The following CRELD1 variants were observed in gnomAD, a reference collection of about 807,000 sequenced individuals.
The protein encoded by CRELD1 is protein disulfide isomerase CRELD1.
A neutral mutation model predicts 58.2 loss-of-function variants in CRELD1; 42 were observed. The ratio of observed to expected loss-of-function variants is 0.72; its 90% CI spans 0.56 to 0.93. CRELD1 has a LOEUF of 0.93. Among genes scored for constraint, CRELD1 ranks in the 40% least tolerant of loss-of-function variants. CRELD1 has a pLI of 0.00. For synonymous variants in CRELD1, 222 were observed against 202.0 expected (o/e 1.10, Z -0.84); for missense variants, 500 against 540.6 (o/e 0.92, Z 0.74).
chr3:9,933,853 G>T lies in CRELD1; in HGVS notation c.-87G>T, dbSNP rs1478980614. ...TTACGCAGGCTGTGGCAGCGACGCG[G>T]TGAGGAGACGGCCCACGGCGCCCGC... On this transcript the variant is annotated 5_prime_UTR_variant, in exon 1 of 11. Coordinates refer to ENST00000452070, the MANE Select transcript of CRELD1 (RefSeq NM_001077415.3). 3.9e-6 allele frequency: 2 copies of T among 515,102 alleles called. No individual in the cohort carries two copies. Among genetic ancestry groups the T allele is most frequent in the Non-Finnish European group, 6.8e-6 (2 of 291,976 alleles). 31.9% of individuals were successfully genotyped at this position (515,102 alleles called of 1,614,324 possible).
Position 9,938,103 on chromosome 3 carries a change from C to T in CRELD1, c.457C>T (p.Leu153Phe), listed in dbSNP as rs201495314. The change falls in exon 5 of 11, where the codon CTT becomes TTT. Residue 153 changes from leucine to phenylalanine, a missense_variant. Coordinates refer to ENST00000452070, the MANE Select transcript of CRELD1 (RefSeq NM_001077415.3). ...CPAGTFGPSC[L>F]PCPGGTERPC... ...CGCAGGCACCTTCGGGCCCTCCTGC[C>T]TTCGTGAGTTTTTAAGTTGCTCTTG... is the stretch of plus-strand genomic sequence containing the variant. 5 of 1,612,976 alleles carry T rather than the reference C, an allele frequency of 3.1e-6. No homozygotes were observed. The Admixed American group carries it at 8.3e-5, about 27-fold the overall frequency.
intron 10 of CRELD1, chr3:9,943,763 A>G: frequency 6.3e-7 from 1 of 1,595,410 alleles, no homozygotes; most frequent in Non-Finnish European, 8.5e-7. Context: ...CTGTTTCCTC[A>G]TCTATCCAAT....
chr3:9,941,623 A>T lies in CRELD1; in HGVS notation c.733+417A>T, dbSNP rs142148783. 8.3e-3 allele frequency among the ~76,000 whole-genome samples: 1,261 copies of T among 151,726 alleles called. 21 individuals are homozygous for T. Among genetic ancestry groups the T allele is most frequent in the African/African-American group, 0.029 (1,183 of 41,378 alleles). Reference sequence around the variant, plus strand: ...GGCTAACATGGTGAAACCCTGTCTCAACTAAAAATACAAAAAATTAGCTGG... The same window carrying T: ...GGCTAACATGGTGAAACCCTGTCTCTACTAAAAATACAAAAAATTAGCTGG... On this transcript the variant is annotated intron_variant, in intron 7 of 10. Transcript: ENST00000452070.
intron 3 of CRELD1, 135 bp from the exon 4 acceptor site, chr3:9,937,427 C>A: frequency 1.4e-6 from 1 of 691,176 alleles, no homozygotes; most frequent in Non-Finnish European, 2.6e-6. Context: ...CTTCCCAGAA[C>A]CATGACCCCT....
chr3:9,943,040 T>G (rs768797943), intron 8 of CRELD1, 37 bp from the exon 9 acceptor site: 33 of 1,599,292 alleles, frequency 2.1e-5, no homozygotes, highest in Non-Finnish European at 2.7e-5. Flanking sequence ...TGGGCCTAGG[T>G]GCACATCTCA....
In CRELD1 at chr3:9,934,701, A is replaced by C. The variant is rs1187136402; in HGVS notation, c.174+89A>C. ...GCAAATCTGCGTGGATTTAAGTTTC[A>C]TCTTGGTCTCTTACTAGTTGTATGG... On this transcript the variant is annotated intron_variant, in intron 2 of 10. Transcript: ENST00000452070. 3.2e-6 allele frequency: 5 copies of C among 1,543,818 alleles called. No homozygotes were observed. The East Asian group carries it at 9.2e-5, about 28-fold the overall frequency.
intron 3 of CRELD1, chr3:9,936,273 T>C (rs2085189724): frequency 6.6e-6 from 1 of 152,198 alleles, no homozygotes; most frequent in South Asian, 2.1e-4. Flanking sequence ...GGTCATTTTC[T>C]CTTTTCCTTC....
At chr3:9,934,121 C>G in intron 1 of CRELD1, 1 of 439,792 alleles carries the variant, frequency 2.3e-6, no homozygotes, top group East Asian at 4.6e-5. Flanking sequence ...TCTGCGGATC[C>G]GGCCCCTAAT....
intron 5 of CRELD1, 159 bp downstream of exon 5, chr3:9,938,265 A>T (rs1183851159): frequency 1.5e-6 from 1 of 667,294 alleles, no homozygotes; most frequent in Non-Finnish European, 2.7e-6. Flanking sequence ...GAGATGGGCA[A>T]ATCAGTGGGG....
intron 5 of CRELD1, chr3:9,938,618 G>C (rs1185548573): frequency 1.9e-5 from 3 of 158,112 alleles, no homozygotes; most frequent in Non-Finnish European, 2.8e-5. Context: ...CCAACACTTT[G>C]GGAGGCTGCG....
In CRELD1 at chr3:9,943,527, G is replaced by A. The variant is rs1429113127; in HGVS notation, c.1048+12G>A. The A allele has an allele frequency of 2.5e-6, 4 of 1,613,876 alleles. No homozygotes were observed. The highest frequency in any genetic ancestry group is 2.2e-5 in the South Asian group (2 of 91,090). Reference sequence around the variant, plus strand: ...GGAGCAGATCCCAGGTGAGCCCTGGGGCGGGAGAGGGGAGGTCCTCATTCA... The same window carrying A: ...GGAGCAGATCCCAGGTGAGCCCTGGAGCGGGAGAGGGGAGGTCCTCATTCA... On this transcript the variant is annotated intron_variant, in intron 10 of 10. Transcript: ENST00000452070.
chr3:9,942,996 C>A, intron 8 of CRELD1, 81 bp from the exon 9 acceptor site: 1 of 1,537,966 alleles, frequency 6.5e-7, no homozygotes, highest in Admixed American at 1.7e-5. Context: ...CTTCAGAGCA[C>A]CCCCAGGCCT....
In CRELD1 at chr3:9,944,745, C is replaced by T. The variant is rs2085473264; in HGVS notation, c.*166C>T. On this transcript the variant is annotated 3_prime_UTR_variant, in exon 11 of 11. Transcript: ENST00000452070. Reference sequence around the variant, plus strand: ...GGTACCCAGGCCCGGGCAGACAAGGCCCCTGGGGTAAAAAGTAGCCCTGAA... The same window carrying T: ...GGTACCCAGGCCCGGGCAGACAAGGTCCCTGGGGTAAAAAGTAGCCCTGAA... The T allele has an allele frequency of 1.6e-5, 11 of 676,896 alleles. No homozygotes were observed. The South Asian group carries it at 1.7e-4, about 10-fold the overall frequency. 41.9% of individuals were successfully genotyped at this position (676,896 alleles called of 1,614,324 possible).
At chr3:9,942,554 C>T (rs1206690991) in intron 7 of CRELD1, among the ~76,000 whole-genome samples, 1 of 152,170 alleles carries the variant, frequency 6.6e-6, no homozygotes, top group Non-Finnish European at 1.5e-5. Context: ...ACCAAGCTAA[C>T]GGTGGAGCTC....
In CRELD1 at chr3:9,940,948, T is replaced by A; in HGVS notation, c.559T>A (p.Tyr187Asn). Residue 187 changes from tyrosine to asparagine, a missense_variant, in exon 6 of 11, where the codon TAC becomes AAC. By Grantham distance (143) the Tyr-to-Asn change is moderately radical. Coordinates refer to ENST00000452070, the MANE Select transcript of CRELD1 (RefSeq NM_001077415.3). ...GSGHCDCQAG[Y>N]GGEACGQCGL... ...CGGGCACTGTGACTGCCAAGCCGGC[T>A]ACGGGGGTGAGGCCTGTGGCCAGTG... is the stretch of plus-strand genomic sequence containing the variant. The A allele has an allele frequency of 6.2e-7, 1 of 1,614,090 alleles. No individual in the cohort carries two copies. Among genetic ancestry groups the A allele is most frequent in the Non-Finnish European group, 8.5e-7 (1 of 1,179,996 alleles).
chr3:9,937,003 A>G (rs1179949851), intron 3 of CRELD1, among the ~76,000 whole-genome samples: 1 of 152,204 alleles, frequency 6.6e-6, no homozygotes, highest in Non-Finnish European at 1.5e-5. Flanking sequence ...TGTTGTGAAT[A>G]GTGCTGCTAT....
intron 10 of CRELD1, chr3:9,943,751 A>G: frequency 6.3e-7 from 1 of 1,584,252 alleles, no homozygotes; most frequent in Non-Finnish European, 8.6e-7. Context: ...TGCCTCCTTA[A>G]CCTGTTTCCT....
At chr3:9,943,000 C>A in intron 8 of CRELD1, 77 bp from the exon 9 acceptor site, 1 of 1,545,632 alleles carries the variant, frequency 6.5e-7, no homozygotes, top group Non-Finnish European at 8.9e-7. Flanking sequence ...AGAGCACCCC[C>A]AGGCCTCCGC....
At position 9,942,737 on chromosome 3, in the gene CRELD1, C is replaced by A. The variant is rs963409028; in HGVS notation, c.734-76C>A. On this transcript the variant is annotated intron_variant, in intron 7 of 10. Transcript: ENST00000452070. ...CATACCATTTAATCCCAGGCAAGAC[C>A]ATTCCCCAACGGCTCTGGCTTCAGC... The A allele has an allele frequency of 6.1e-6, 7 of 1,149,284 alleles. No individual in the cohort carries two copies. The Admixed American group carries it at 8.4e-5, about 14-fold the overall frequency. 71.2% of individuals were successfully genotyped at this position (1,149,284 alleles called of 1,614,324 possible).
Sources: allele counts gnomAD v4.1 joint callset (sites outside exome capture counted in the v4.1 genomes callset), GRCh38; gene constraint gnomAD v4.1.1; transcripts MANE v1.5; gene names NCBI Gene and HGNC (gene_info 2026-07-23, HGNC 2026-07-21).